Variants in GPSM2 observed in about 807,000 individuals in gnomAD.
The protein encoded by GPSM2 is G protein-signaling modulator 2.
GPSM2 carries 58 observed loss-of-function variants against 78.4 expected under a neutral mutation model. The ratio of observed to expected loss-of-function variants is 0.74; its 90% CI spans 0.60 to 0.92. The LOEUF (loss-of-function observed/expected upper bound fraction) is 0.92, where lower values mean the gene tolerates loss of function less well. Ranked by LOEUF, GPSM2 falls within the 40% of genes least tolerant of loss-of-function variation. The pLI, the probability that GPSM2 is intolerant of heterozygous loss-of-function variation, is 0.00. For missense variants in GPSM2, 700 were observed against 815.5 expected (o/e 0.86, Z 1.73); for synonymous variants, 224 against 280.2 (o/e 0.80, Z 2.00).
At chr1:108,920,459 ACT>A (rs1475733166) in intron 12 of GPSM2, among the ~76,000 whole-genome samples, 1 of 151,834 alleles carries the variant, frequency 6.6e-6, no homozygotes, top group East Asian at 1.9e-4. Context: ...ACAGAGTGAG[ACT>A]CTGTCTTAAA....
intron 3 of GPSM2, 33 bp downstream of exon 3, chr1:108,897,118 T>C (rs770242345): frequency 7.1e-7 from 1 of 1,417,476 alleles, no homozygotes; most frequent in South Asian, 1.2e-5. Flanking sequence ...TATTCTTCCT[T>C]CTGAAATTAG....
chr1:108,934,099 TAAAAGG>T lies in GPSM2; in HGVS notation c.*4162_*4167del. 6.6e-6 allele frequency: 1 copy of T among 152,326 alleles called. No individual in the cohort carries two copies. The highest frequency in any genetic ancestry group is 1.5e-5 in the Non-Finnish European group (1 of 68,074). 9.4% of individuals were successfully genotyped at this position (152,326 alleles called of 1,614,324 possible). A position where few individuals can be genotyped will look rare whatever the true frequency, so the allele number is the denominator to read the frequency against. On this transcript the variant is annotated 3_prime_UTR_variant, in exon 15 of 15. Coordinates refer to ENST00000264126, the MANE Select transcript of GPSM2 (RefSeq NM_013296.5). ...TTCAGTTTTCTCTAAGTAAACAAAG[TAAAAGG>T]AACAATAAGGATGCAGGCGTAGTAA...
rs768000153 is a variant in GPSM2 at position 108,898,749 on chromosome 1, T to TTATAG, written c.666_670dup (p.Ala224ValfsTer2). 8 of 1,614,052 alleles carry TTATAG rather than the reference T, an allele frequency of 5.0e-6. No individual in the cohort carries two copies. In the Admixed American group the frequency reaches 1.3e-4, roughly 27 times the overall value. On this transcript the variant is annotated frameshift_variant, in exon 6 of 15. Transcript: ENST00000264126. LOFTEE classifies it high-confidence loss of function. ...CTCCTTGGCAACTTCAGGGATGCAG[T>TTATAG]TATAGCTCATGAGCAGGTACAGTGG...
intron 11 of GPSM2, among the ~76,000 whole-genome samples, chr1:108,915,285 C>T (rs1213175348): frequency 6.2e-5 from 9 of 144,714 alleles, no homozygotes; most frequent in Admixed American, 3.5e-4. Context: ...GCAGGAGAAT[C>T]GCTTGAACCT....
rs774395167 is a variant in GPSM2 at position 108,903,189 on chromosome 1, T to A, written c.1017T>A (p.Asp339Glu). The A allele has an allele frequency of 5.6e-6, 9 of 1,610,808 alleles. No homozygotes were observed. In the East Asian group the frequency reaches 1.8e-4, roughly 32 times the overall value. The change falls in exon 9 of 15, where the codon GAT becomes GAA. Residue 339 changes from aspartate to glutamate, a missense_variant. By Grantham distance (45) the Asp-to-Glu change is conservative. Transcript: ENST00000264126. ...CATACACAGCACTAGGAAATCATGA[T>A]CAAGCAATGCATTTTGCTGAAAAGC... ...GNAYTALGNHDQAMHFAEKHL... is the reference protein window; with the variant it reads ...GNAYTALGNHEQAMHFAEKHL...
chr1:108,933,027 T>C lies in GPSM2; in HGVS notation c.*3087T>C, dbSNP rs1441452331. 1 of 152,216 alleles carries C rather than the reference T, an allele frequency of 6.6e-6. No homozygotes were observed. The highest frequency in any genetic ancestry group is 1.9e-4 in the East Asian group (1 of 5,192). 9.4% of individuals were successfully genotyped at this position (152,216 alleles called of 1,614,324 possible). On this transcript the variant is annotated 3_prime_UTR_variant, in exon 15 of 15. Coordinates refer to ENST00000264126, the MANE Select transcript of GPSM2 (RefSeq NM_013296.5). ...CTCCAAGTAGCTGGGACTACAGGCG[T>C]GTACCACCATGCCTGGCTAGTTTTA...
chr1:108,892,568 A>C (rs886311238), intron 2 of GPSM2, among the ~76,000 whole-genome samples: 4 of 152,220 alleles, frequency 2.6e-5, no homozygotes, highest in Non-Finnish European at 5.9e-5. Context: ...GGCTCTCAGA[A>C]GCATAAAGGA....
chr1:108,931,181 C>A lies in GPSM2; in HGVS notation c.*1241C>A. The A allele has an allele frequency of 1.1e-6, 1 of 878,784 alleles. No homozygotes were observed. The highest frequency in any genetic ancestry group is 1.6e-6 in the Non-Finnish European group (1 of 618,016). The allele number at this position is 878,784 out of a possible 1,614,324, so 54.4% of individuals were successfully genotyped here. A position where few individuals can be genotyped will look rare whatever the true frequency, so the allele number is the denominator to read the frequency against. On this transcript the variant is annotated 3_prime_UTR_variant, in exon 15 of 15. Transcript: ENST00000264126. The stretch of plus-strand genomic sequence containing the variant: ...TAATATAAAAACAAAAAACAAAACC[C>A]ATGTGGTTAGGTCAAGAACCTAGGA...
Position 108,918,615 on chromosome 1 carries a change from A to G in GPSM2, c.1266A>G (p.Val422=), listed in dbSNP as rs1355851808. The G allele has an allele frequency of 3.1e-6, 5 of 1,611,098 alleles. No individual in the cohort carries two copies. The highest frequency in any genetic ancestry group is 4.2e-6 in the Non-Finnish European group (5 of 1,177,322). ...GCCTTCCATTTATAATTTTGTAGGT[A>G]CAGAACTGGAACAGTGAAATTCTTG... ...MELMKLTPEK[V]QNWNSEILAK... The change falls in exon 12 of 15, where the codon GTA becomes GTG. Residue 422 remains valine (V), a splice_region_variant and synonymous_variant. Coordinates refer to ENST00000264126, the MANE Select transcript of GPSM2 (RefSeq NM_013296.5).
At chr1:108,907,527 T>G (rs10857995) in intron 10 of GPSM2, among the ~76,000 whole-genome samples, 1 of 151,952 alleles carries the variant, frequency 6.6e-6, no homozygotes, top group Admixed American at 6.5e-5. Context: ...GGTCATCAAG[T>G]TCTTCAGATG....
intron 13 of GPSM2, among the ~76,000 whole-genome samples, chr1:108,923,222 T>C (rs780474042): frequency 6.6e-6 from 1 of 151,928 alleles, no homozygotes; most frequent in Non-Finnish European, 1.5e-5. Context: ...TTTGTGGAGA[T>C]GAGGTCTTGC....
At chr1:108,885,062 A>G (rs1285304437) in intron 1 of GPSM2, among the ~76,000 whole-genome samples, 1 of 152,206 alleles carries the variant, frequency 6.6e-6, no homozygotes, top group Admixed American at 6.5e-5. Context: ...TAAATTTCAA[A>G]CATATTTTAA....
intron 11 of GPSM2, among the ~76,000 whole-genome samples, chr1:108,916,570 G>C (rs1048077114): frequency 1.3e-5 from 2 of 152,122 alleles, no homozygotes; most frequent in Non-Finnish European, 2.9e-5. Context: ...CTTTTAAAAA[G>C]GCCATTTTTG....
In GPSM2 at chr1:108,924,055, C is replaced by T. The variant is rs533626029; in HGVS notation, c.1656C>T (p.Ala552=). The T allele has an allele frequency of 6.2e-7, 1 of 1,613,526 alleles. No individual in the cohort carries two copies. Among genetic ancestry groups the T allele is most frequent in the African/African-American group, 1.3e-5 (1 of 74,950 alleles). Residue 552 remains alanine, a synonymous_variant, in exon 14 of 15, where the codon GCC becomes GCT. Transcript: ENST00000264126. Reference sequence around the variant, plus strand: ...CGGATGAGTTTTTAGATCTTCTTGCCAGCTCACAGAGTCGCCGTCTGGATG... The same window carrying T: ...CGGATGAGTTTTTAGATCTTCTTGCTAGCTCACAGAGTCGCCGTCTGGATG... ...PNTDEFLDLL[A]SSQSRRLDDQ...
intron 14 of GPSM2, among the ~76,000 whole-genome samples, chr1:108,927,668 C>T (rs546640494): frequency 2.0e-5 from 3 of 152,212 alleles, no homozygotes; most frequent in Admixed American, 2.0e-4. Context: ...AGCATCAGAA[C>T]TAAAACTATA....
Position 108,896,865 on chromosome 1 carries a change from A to G in GPSM2, c.58A>G (p.Met20Val), listed in dbSNP as rs1157903548. ...TGTCTGTCCTGTATAATTTTGTAGA[A>G]TGGAAGCTTCTTGCCTAGAGCTGGC... ...EDHSFHVRYRMEASCLELALE... is the reference protein window; with the variant it reads ...EDHSFHVRYRVEASCLELALE... The change falls in exon 3 of 15, where the codon ATG becomes GTG. Residue 20 changes from methionine to valine, a missense_variant and splice_region_variant. Physicochemically the swap from Met to Val is conservative, Grantham distance 21. Transcript: ENST00000264126. 3 of 1,608,820 alleles carry G rather than the reference A, an allele frequency of 1.9e-6. No individual in the cohort carries two copies. The highest frequency in any genetic ancestry group is 1.3e-5 in the African/African-American group (1 of 74,914).
At chr1:108,882,327 G>A (rs1665940375) in intron 1 of GPSM2, among the ~76,000 whole-genome samples, 1 of 152,106 alleles carries the variant, frequency 6.6e-6, no homozygotes, top group Non-Finnish European at 1.5e-5. Context: ...CAAAATCCAT[G>A]GATGCTCAAG....
chr1:108,906,228 T>TTTTA (rs1261702549), intron 10 of GPSM2, among the ~76,000 whole-genome samples: 35 of 152,198 alleles, frequency 2.3e-4, no homozygotes, highest in African/African-American at 8.2e-4. Context: ...CCCTTTCTAC[T>TTTTA]TTTATTTATT....
At chr1:108,928,715 G>C (rs1651372858) in intron 14 of GPSM2, among the ~76,000 whole-genome samples, 1 of 152,186 alleles carries the variant, frequency 6.6e-6, no homozygotes, top group African/African-American at 2.4e-5. Context: ...AAAATTCAGA[G>C]ACCAGGCTCA....
Sources: gnomAD v4.1 joint callset for allele counts (sites outside exome capture counted in the v4.1 genomes callset) on GRCh38, gnomAD v4.1.1 for gene constraint, MANE v1.5 for transcripts, NCBI Gene and HGNC (gene_info 2026-07-23, HGNC 2026-07-21) for gene names.